LMOD1: variants seen among roughly 807,000 people sequenced by gnomAD.
LMOD1 encodes the protein leiomodin 1.
Under a neutral mutation model 36.5 loss-of-function variants are expected in LMOD1, and 8 were observed. The observed-to-expected ratio is 0.22, with a 90% CI of 0.13 to 0.40. The LOEUF is 0.40. Among genes scored for constraint, LMOD1 ranks in the 10% least tolerant of loss-of-function variants. The pLI is 1.00. For missense variants in LMOD1, 630 were observed against 751.1 expected (o/e 0.84, Z 1.88); for synonymous variants, 284 against 288.7 (o/e 0.98, Z 0.17).
chr1:201,939,153 A>AG (rs1682072216), intron 1 of LMOD1, among the ~76,000 whole-genome samples: 1 of 110,080 alleles, frequency 9.1e-6, no homozygotes, highest in Admixed American at 1.0e-4. Context: ...TTTTTTTTTT[A>AG]ATTTCGTGAG....
Position 201,899,516 on chromosome 1 carries a change from G to A in LMOD1, c.1497C>T (p.Pro499=). 3.7e-6 allele frequency: 6 copies of A among 1,613,956 alleles called. No homozygotes were observed. The highest frequency in any genetic ancestry group is 5.1e-6 in the Non-Finnish European group (6 of 1,179,878). Residue 499 remains proline, a synonymous_variant, in exon 2 of 3, where the codon CCC becomes CCT. Coordinates refer to ENST00000367288, the MANE Select transcript of LMOD1 (RefSeq NM_012134.3). This position sits in a 1 kb window ranked among gnomAD's most constrained non-coding sequence, Gnocchi z 6.3. The part of the protein sequence containing the change: ...KGEKKDLLEV[P]KAGAVAKGSP... ...AGCCCTTAGCCACGGCCCCGGCCTT[G>A]GGTACCTCCAGCAGATCCTTCTTCT...
intron 1 of LMOD1, among the ~76,000 whole-genome samples, chr1:201,931,115 T>C (rs1336311784): frequency 6.6e-6 from 1 of 151,976 alleles, no homozygotes; most frequent in South Asian, 2.1e-4. Context: ...TAAAAGGGAA[T>C]GTTGAAGAGA....
At chr1:201,900,870 G>T in intron 1 of LMOD1, 119 bp from the exon 2 acceptor site, 3 of 869,432 alleles carry the variant, frequency 3.5e-6, no homozygotes, top group Non-Finnish European at 3.4e-6. Context: ...AAGGACAGTT[G>T]TGCTGTTTGG....
At chr1:201,925,028 C>T (rs950216821) in intron 1 of LMOD1, among the ~76,000 whole-genome samples, 1 of 152,128 alleles carries the variant, frequency 6.6e-6, no homozygotes, top group Non-Finnish European at 1.5e-5. Flanking sequence ...CAGCCATGGC[C>T]GACATAGTGA....
intron 1 of LMOD1, among the ~76,000 whole-genome samples, chr1:201,915,353 G>C (rs753063269): frequency 6.6e-6 from 1 of 152,068 alleles, no homozygotes; most frequent in East Asian, 1.9e-4. Flanking sequence ...TGCATTCTAC[G>C]TACTGATGTC....
chr1:201,939,208 G>GA (rs1026901614), intron 1 of LMOD1, among the ~76,000 whole-genome samples: 1 of 151,542 alleles, frequency 6.6e-6, no homozygotes, highest in African/African-American at 2.4e-5. Context: ...TACAAACTCT[G>GA]AAGAGTTTAG....
At position 201,897,059 on chromosome 1, in the gene LMOD1, C is replaced by T. The variant is rs1558233182; in HGVS notation, c.*1313G>A. ...AATTCAGAAAGATGCCTTTCACCTA[C>T]ACCCGATGGTGGGCATGGCAGCATT... On this transcript the variant is annotated 3_prime_UTR_variant, in exon 3 of 3. Coordinates refer to ENST00000367288, the MANE Select transcript of LMOD1 (RefSeq NM_012134.3). 5 of 287,090 alleles carry T rather than the reference C, an allele frequency of 1.7e-5. No individual in the cohort carries two copies. Among genetic ancestry groups the T allele is most frequent in the South Asian group, 1.3e-4 (4 of 30,710 alleles). 17.8% of individuals were successfully genotyped at this position (287,090 alleles called of 1,614,324 possible). A position where few individuals can be genotyped will look rare whatever the true frequency, so the allele number is the denominator to read the frequency against.
At chr1:201,923,904 G>GAGAGAGA (rs1558239914) in intron 1 of LMOD1, among the ~76,000 whole-genome samples, 5 of 108,986 alleles carry the variant, frequency 4.6e-5, no homozygotes, top group African/African-American at 1.7e-4. Flanking sequence ...AGAGAGAGAG[G>GAGAGAGA]GAGGGAGAGA....
chr1:201,946,255 A>G lies in LMOD1; in HGVS notation c.86T>C (p.Met29Thr). The G allele has an allele frequency of 6.2e-7, 1 of 1,613,640 alleles. No homozygotes were observed. The highest frequency in any genetic ancestry group is 8.5e-7 in the Non-Finnish European group (1 of 1,179,814). The change falls in exon 1 of 3, where the codon ATG becomes ACG. Residue 29 changes from methionine to threonine, a missense_variant. By Grantham distance (81) the Met-to-Thr change is moderately conservative (BLOSUM62 -1). Transcript: ENST00000367288. Reference sequence around the variant, plus strand: ...GTCCAGCTCCTTCTCCAGCTCCTCCATCTCCTCGGGAGACAGGGTCTCCAG... The same window carrying G: ...GTCCAGCTCCTTCTCCAGCTCCTCCGTCTCCTCGGGAGACAGGGTCTCCAG... ...SLLETLSPEE[M>T]EELEKELDVV...
At chr1:201,904,478 G>A (rs1681381625) in intron 1 of LMOD1, among the ~76,000 whole-genome samples, 1 of 152,204 alleles carries the variant, frequency 6.6e-6, no homozygotes, top group Admixed American at 6.5e-5. Context: ...CCAAAGTGCT[G>A]TGATTACAGG....
At chr1:201,904,477 T>C (rs1446282858) in intron 1 of LMOD1, among the ~76,000 whole-genome samples, 3 of 152,230 alleles carry the variant, frequency 2.0e-5, no homozygotes, top group Admixed American at 6.5e-5. Flanking sequence ...CCCAAAGTGC[T>C]GTGATTACAG....
chr1:201,927,355 C>T (rs1046105957), intron 1 of LMOD1, among the ~76,000 whole-genome samples: 3 of 152,170 alleles, frequency 2.0e-5, no homozygotes, highest in Non-Finnish European at 2.9e-5. Flanking sequence ...ATCACGAGGT[C>T]AGGAGATTGA....
At chr1:201,930,658 C>G (rs1276622779) in intron 1 of LMOD1, among the ~76,000 whole-genome samples, 1 of 152,106 alleles carries the variant, frequency 6.6e-6, no homozygotes. Context: ...AAATAGAGAT[C>G]TAGGCCAGAG....
At chr1:201,938,471 G>A (rs143173403) in intron 1 of LMOD1, among the ~76,000 whole-genome samples, 3 of 152,316 alleles carry the variant, frequency 2.0e-5, no homozygotes, top group East Asian at 1.9e-4. Context: ...GCTCCAAGAC[G>A]TGAAGTCACT....
chr1:201,931,286 A>G (rs886411005), intron 1 of LMOD1, among the ~76,000 whole-genome samples: 2 of 152,190 alleles, frequency 1.3e-5, no homozygotes, highest in African/African-American at 2.4e-5. Flanking sequence ...TGTAATTCCA[A>G]CACTTCGGGA....
chr1:201,935,762 G>C (rs1170661637), intron 1 of LMOD1, among the ~76,000 whole-genome samples: 1 of 149,534 alleles, frequency 6.7e-6, no homozygotes, highest in Non-Finnish European at 1.5e-5. Flanking sequence ...TCACCATGTT[G>C]GCCAGGCTGG....
Position 201,946,327 on chromosome 1 carries a change from G to A in LMOD1, c.14C>T (p.Ala5Val), listed in dbSNP as rs775993103. 1.2e-6 allele frequency: 2 copies of A among 1,613,956 alleles called. No homozygotes were observed. Among genetic ancestry groups the A allele is most frequent in the Non-Finnish European group, 1.7e-6 (2 of 1,179,868 alleles). MSRV[A>V]KYRRQVSEDP... is the part of the protein sequence containing the mutation. The stretch of plus-strand genomic sequence containing the variant: ...TTCACTCACCTGCCGGCGATATTTG[G>A]CTACTCTAGACATCTTGGCAAAATG... The change falls in exon 1 of 3, where the codon GCC (alanine) becomes GTC (valine). Residue 5 changes from alanine to valine, a missense_variant. Transcript: ENST00000367288.
chr1:201,920,211 C>T (rs567962360), intron 1 of LMOD1, among the ~76,000 whole-genome samples: 1 of 151,878 alleles, frequency 6.6e-6, no homozygotes, highest in Non-Finnish European at 1.5e-5. Context: ...AGGCACCCAC[C>T]ACCACGCCTG....
intron 1 of LMOD1, among the ~76,000 whole-genome samples, chr1:201,901,647 TACATATATATGTGTATATATATATATAC>T (rs1681324155): frequency 1.2e-4 from 8 of 68,110 alleles, no homozygotes; most frequent in African/African-American, 6.3e-4. Context: ...TATATATATA[TACATATATATGTGTATATATATATATAC>T]ACATATATAT....
Sources: gnomAD v4.1 joint callset for allele counts (sites outside exome capture counted in the v4.1 genomes callset) on GRCh38, gnomAD v4.1.1 for gene constraint, Gnocchi (gnomAD v3.1) non-coding constraint, MANE v1.5 for transcripts, NCBI Gene and HGNC (gene_info 2026-07-23, HGNC 2026-07-21) for gene names.